Variants in ICA1 observed in about 807,000 individuals in gnomAD.
ICA1 encodes the protein islet cell autoantigen 1.
In ICA1, 40 loss-of-function variants were observed where a neutral mutation model predicts 71.0. The observed-to-expected ratio is 0.56, with a 90% CI of 0.44 to 0.73. The LOEUF is 0.73. ICA1 is among the 30% of genes least tolerant of loss of function. The pLI, the probability that ICA1 is intolerant of heterozygous loss-of-function variation, is 0.00. For missense variants in ICA1, 578 were observed against 576.5 expected, an observed-to-expected ratio of 1.00 and a Z score of -0.03; for synonymous variants, 207 against 209.5, an observed-to-expected ratio of 0.99 and a Z score of 0.10.
chr7:8,233,569 T>C (rs988246336), intron 2 of ICA1, among the ~76,000 whole-genome samples: 3 of 151,982 alleles, frequency 2.0e-5, no homozygotes, highest in Non-Finnish European at 4.4e-5. Flanking sequence ...ACTTTTTGTA[T>C]GTTTTTAGTA....
At chr7:8,145,345 C>T (rs932256035) in intron 8 of ICA1, among the ~76,000 whole-genome samples, 1 of 152,128 alleles carries the variant, frequency 6.6e-6, no homozygotes, top group African/African-American at 2.4e-5. Context: ...GGATGGTCTC[C>T]TCATAGTCTC....
intron 6 of ICA1, 41 bp downstream of exon 6, chr7:8,218,264 C>T (rs753819181): frequency 2.6e-6 from 4 of 1,547,610 alleles, no homozygotes; most frequent in Non-Finnish European, 3.6e-6. Flanking sequence ...CATTACCTTC[C>T]AGCAGGTACC....
At chr7:8,191,297 G>A (rs771489341) in intron 6 of ICA1, among the ~76,000 whole-genome samples, 1 of 152,160 alleles carries the variant, frequency 6.6e-6, no homozygotes, top group Non-Finnish European at 1.5e-5. Context: ...ATATTGTACA[G>A]ACAGTCCTGG....
rs367836494 is a variant in ICA1, at chr7:8,189,484, G to A, written c.579+28821C>T. On this transcript the variant is annotated intron_variant, in intron 6 of 13. Transcript: ENST00000402384. ...GCTAGGGGCATGAAGACAGAAGACA[G>A]CCCCCACAGTCATTCTAACATTTGT... 1.1e-3 allele frequency among the ~76,000 whole-genome samples: 160 copies of A among 152,338 alleles called. 1 individual carries two copies. Among genetic ancestry groups the A allele is most frequent in the African/African-American group, 3.4e-3 (141 of 41,576 alleles).
At chr7:8,252,289 C>G (rs1808451892) in intron 1 of ICA1, among the ~76,000 whole-genome samples, 1 of 152,186 alleles carries the variant, frequency 6.6e-6, no homozygotes, top group Non-Finnish European at 1.5e-5. Flanking sequence ...AAGTCTCGAT[C>G]AAGTTCTGTG....
At chr7:8,252,661 T>C (rs1185570052) in intron 1 of ICA1, among the ~76,000 whole-genome samples, 1 of 151,576 alleles carries the variant, frequency 6.6e-6, no homozygotes, top group Non-Finnish European at 1.5e-5. Flanking sequence ...TTTATAGTTA[T>C]AAAAATTATT....
At chr7:8,186,169 CAG>C (rs1783861106) in intron 6 of ICA1, among the ~76,000 whole-genome samples, 2 of 152,150 alleles carry the variant, frequency 1.3e-5, no homozygotes, top group Non-Finnish European at 2.9e-5. Context: ...ATGAAAGGAA[CAG>C]GGGGAGGAGA....
chr7:8,127,655 T>G (rs918239135), intron 13 of ICA1, among the ~76,000 whole-genome samples: 1 of 152,116 alleles, frequency 6.6e-6, no homozygotes, highest in Non-Finnish European at 1.5e-5. Context: ...GAACCACTCA[T>G]CTAACCTTTG....
At chr7:8,140,569 G>C (rs1794867877) in intron 10 of ICA1, among the ~76,000 whole-genome samples, 1 of 152,232 alleles carries the variant, frequency 6.6e-6, no homozygotes, top group South Asian at 2.1e-4. Context: ...ATTACCATCT[G>C]CTTGCCCTTT....
intron 6 of ICA1, among the ~76,000 whole-genome samples, chr7:8,190,890 T>A (rs1168931517): frequency 6.6e-6 from 1 of 152,234 alleles, no homozygotes; most frequent in African/African-American, 2.4e-5. Flanking sequence ...TGAGCCTTGC[T>A]TTGACTTAGT....
chr7:8,177,361 AG>A, intron 6 of ICA1, among the ~76,000 whole-genome samples: 2 of 152,134 alleles, frequency 1.3e-5, no homozygotes. Flanking sequence ...AACTTAAGGA[AG>A]CAATTCTGTC....
intron 1 of ICA1, among the ~76,000 whole-genome samples, chr7:8,247,688 T>A (rs2128511277): frequency 6.6e-6 from 1 of 152,248 alleles, no homozygotes; most frequent in East Asian, 1.9e-4. Flanking sequence ...TCCTTGGAAA[T>A]ATAATCTAGG....
At chr7:8,211,287 C>A (rs2128380825) in intron 6 of ICA1, among the ~76,000 whole-genome samples, 1 of 152,226 alleles carries the variant, frequency 6.6e-6, no homozygotes, top group Non-Finnish European at 1.5e-5. Flanking sequence ...GAGAGCTTGC[C>A]TTGTGCCATG....
chr7:8,147,212 A>G (rs12702700), intron 8 of ICA1, among the ~76,000 whole-genome samples: 149,911 of 152,096 alleles, frequency 0.99, 73,881 homozygotes, highest in East Asian at 1. Flanking sequence ...CTCCAGCCTG[A>G]CCTCCCCTCA....
At chr7:8,210,818 G>C (rs558179234) in intron 6 of ICA1, among the ~76,000 whole-genome samples, 7 of 152,306 alleles carry the variant, frequency 4.6e-5, no homozygotes, top group Non-Finnish European at 8.8e-5. Context: ...AGGCTCAAGG[G>C]ATCCTCACCT....
At chr7:8,168,233 A>G (rs56342823) in intron 6 of ICA1, among the ~76,000 whole-genome samples, 63,510 of 151,936 alleles carry the variant, frequency 0.42, 15,607 homozygotes, top group South Asian at 0.56. Flanking sequence ...AATTCATATG[A>G]AAGGATCTAA....
Position 8,196,826 on chromosome 7 carries a change from C to T in ICA1, c.579+21479G>A, listed in dbSNP as rs934098269. On this transcript the variant is annotated intron_variant, in intron 6 of 13. Transcript: ENST00000402384. ...GGGCCAGGTGGAGATAAATGAATCA[C>T]GGCAGTTCCCCCATACTTTTCTTGT... 3.5e-4 allele frequency among the ~76,000 whole-genome samples: 53 copies of T among 152,054 alleles called. 1 individual carries two copies. Among genetic ancestry groups the T allele is most frequent in the Non-Finnish European group, 1.3e-4 (9 of 68,002 alleles).
chr7:8,207,978 C>T, intron 6 of ICA1, among the ~76,000 whole-genome samples: 1 of 152,174 alleles, frequency 6.6e-6, no homozygotes, highest in East Asian at 1.9e-4. Context: ...CATTATAGGG[C>T]CAATACTGCT....
chr7:8,122,932 T>C (rs747594579), intron 13 of ICA1, among the ~76,000 whole-genome samples: 7 of 152,198 alleles, frequency 4.6e-5, no homozygotes, highest in Non-Finnish European at 1.0e-4. Flanking sequence ...TGTCTACTTC[T>C]AAATTTTGGA....
Sources: allele counts gnomAD v4.1 joint callset (sites outside exome capture counted in the v4.1 genomes callset), GRCh38; gene constraint gnomAD v4.1.1; transcripts MANE v1.5; gene names NCBI Gene and HGNC (gene_info 2026-07-23, HGNC 2026-07-21).